MBD5: variants seen among roughly 807,000 people sequenced by gnomAD.
The protein encoded by MBD5 is methyl-CpG-binding domain protein 5.
Under a neutral mutation model 117.3 loss-of-function variants are expected in MBD5, and 13 were observed. That is an observed-to-expected ratio of 0.11 (90% CI 0.07 to 0.18). The LOEUF is 0.18. Ranked by LOEUF, MBD5 falls within the 10% of genes least tolerant of loss-of-function variation. The pLI is 1.00. For synonymous variants in MBD5, 727 were observed against 766.4 expected, an observed-to-expected ratio of 0.95 and a Z score of 0.85; for missense variants, 1,879 against 2,093.8, an observed-to-expected ratio of 0.90 and a Z score of 2.00.
At chr2:148,169,205 G>C (rs1001980460) in intron 1 of MBD5, among the ~76,000 whole-genome samples, 2 of 151,932 alleles carry the variant, frequency 1.3e-5, no homozygotes, top group African/African-American at 4.8e-5. Flanking sequence ...ATGTTCACTT[G>C]ATCTTAATCA....
At chr2:148,201,136 C>T (rs1012354735) in intron 2 of MBD5, among the ~76,000 whole-genome samples, 14 of 152,340 alleles carry the variant, frequency 9.2e-5, no homozygotes, top group African/African-American at 3.1e-4. Flanking sequence ...CTTGACACAC[C>T]AGGCCATGCC....
chr2:148,404,842 A>G (rs1259503147), intron 4 of MBD5, among the ~76,000 whole-genome samples: 2 of 152,128 alleles, frequency 1.3e-5, no homozygotes, highest in Admixed American at 6.6e-5. Context: ...TTTACAGTCT[A>G]TTACTTATTT....
intron 4 of MBD5, among the ~76,000 whole-genome samples, chr2:148,366,693 G>A (rs1262737675): frequency 5.9e-5 from 9 of 151,960 alleles, no homozygotes; most frequent in East Asian, 3.9e-4. Context: ...ATAAACAAGC[G>A]GAGAGCCAAA....
At chr2:148,295,210 T>C (rs553470997) in intron 3 of MBD5, among the ~76,000 whole-genome samples, 5 of 152,348 alleles carry the variant, frequency 3.3e-5, no homozygotes, top group Admixed American at 2.0e-4. Context: ...CCCACATTTC[T>C]CTGAGGCTCT....
intron 2 of MBD5, among the ~76,000 whole-genome samples, chr2:148,216,076 G>A (rs1310736404): frequency 6.6e-6 from 1 of 152,126 alleles, no homozygotes; most frequent in African/African-American, 2.4e-5. Context: ...TACAAAAAGG[G>A]TATTTTCTGG....
At chr2:148,081,502 G>A (rs1320566489) in intron 1 of MBD5, among the ~76,000 whole-genome samples, 1 of 152,102 alleles carries the variant, frequency 6.6e-6, no homozygotes, top group African/African-American at 2.4e-5. Context: ...AAGGATTAAG[G>A]ATACCTTGAA....
intron 1 of MBD5, among the ~76,000 whole-genome samples, chr2:148,078,855 C>G (rs1337415934): frequency 6.6e-6 from 1 of 152,132 alleles, no homozygotes. Context: ...AGCCAATAAT[C>G]CTGACTTTAT....
chr2:148,100,989 T>C (rs1293515698), intron 1 of MBD5, among the ~76,000 whole-genome samples: 1 of 152,162 alleles, frequency 6.6e-6, no homozygotes, highest in Non-Finnish European at 1.5e-5. Context: ...TGTTTACAAA[T>C]AACAAATCTA....
chr2:148,147,126 A>G (rs1239325469), intron 1 of MBD5, among the ~76,000 whole-genome samples: 1 of 152,090 alleles, frequency 6.6e-6, no homozygotes, highest in Non-Finnish European at 1.5e-5. Flanking sequence ...TTGGGTTTCC[A>G]TGGGAACAGT....
chr2:148,135,049 C>T (rs1380648749), intron 1 of MBD5, among the ~76,000 whole-genome samples: 2 of 152,170 alleles, frequency 1.3e-5, no homozygotes, highest in African/African-American at 2.4e-5. Context: ...CAGTTCTTTT[C>T]TCTCTGTCCT....
At chr2:148,498,062 A>C (rs1032896638) in intron 11 of MBD5, among the ~76,000 whole-genome samples, 4 of 152,192 alleles carry the variant, frequency 2.6e-5, no homozygotes, top group East Asian at 1.9e-4. Flanking sequence ...TCTATTCTAT[A>C]TGTAGCACTC....
chr2:148,389,893 T>C (rs1191089834), intron 4 of MBD5, among the ~76,000 whole-genome samples: 1 of 151,968 alleles, frequency 6.6e-6, no homozygotes, highest in Non-Finnish European at 1.5e-5. Context: ...TGTCTCTTTG[T>C]TGATTTTTTC....
At chr2:148,452,209 A>C (rs1416653591) in intron 4 of MBD5, among the ~76,000 whole-genome samples, 2 of 152,158 alleles carry the variant, frequency 1.3e-5, no homozygotes, top group African/African-American at 4.8e-5. Context: ...AAAAATACAC[A>C]TTTAAGCCAA....
chr2:148,274,384 C>G (rs552482804), intron 3 of MBD5, among the ~76,000 whole-genome samples: 28 of 152,048 alleles, frequency 1.8e-4, no homozygotes, highest in South Asian at 1.7e-3. Context: ...CCCCAGCCCC[C>G]CACCCCATGA....
At chr2:148,338,470 A>G (rs1702852962) in intron 3 of MBD5, among the ~76,000 whole-genome samples, 1 of 152,308 alleles carries the variant, frequency 6.6e-6, no homozygotes, top group Admixed American at 6.5e-5. Flanking sequence ...ATTTGTACAT[A>G]ATAATCAGTA....
intron 2 of MBD5, among the ~76,000 whole-genome samples, chr2:148,203,649 CT>C (rs1699199736): frequency 6.6e-6 from 1 of 152,166 alleles, no homozygotes; most frequent in African/African-American, 2.4e-5. Flanking sequence ...AGAAGGTAAT[CT>C]CCGCTGCAAC....
intron 3 of MBD5, among the ~76,000 whole-genome samples, chr2:148,293,938 T>C (rs558141263): frequency 1.1e-4 from 17 of 152,346 alleles, no homozygotes; most frequent in Middle Eastern, 3.4e-3. Context: ...AATATTGTTT[T>C]ATACAATTTC....
chr2:148,485,474 A>G, intron 9 of MBD5: 1 of 408,244 alleles, frequency 2.4e-6, no homozygotes, highest in African/African-American at 2.0e-5. Context: ...ACTGCAGCTC[A>G]ATATATAAGG....
rs1025691067 is a variant in MBD5 at position 148,021,263 on chromosome 2, C to T, written c.-1346C>T. The T allele has an allele frequency of 1.2e-5, 4 of 326,220 alleles. No homozygotes were observed. Among genetic ancestry groups the T allele is most frequent in the Non-Finnish European group, 2.4e-5 (4 of 163,706 alleles). The allele number at this position is 326,220 out of a possible 1,614,324, so 20.2% of individuals were successfully genotyped here. ...CGGCTGAGTTCCTTCCCCCACCCTC[C>T]AGCCCTGAGCCCTGAGAGGGGGATT... On this transcript the variant is annotated 5_prime_UTR_variant, in exon 1 of 14. Transcript: ENST00000642680.
Sources: gnomAD v4.1 joint callset for allele counts (sites outside exome capture counted in the v4.1 genomes callset) on GRCh38, gnomAD v4.1.1 for gene constraint, MANE v1.5 for transcripts, NCBI Gene and HGNC (gene_info 2026-07-23, HGNC 2026-07-21) for gene names.